Variants in PSD3 observed in about 807,000 individuals in gnomAD.
The protein encoded by PSD3 is pleckstrin and Sec7 domain containing 3.
Under a neutral mutation model 105.5 loss-of-function variants are expected in PSD3, and 49 were observed. The ratio of observed to expected loss-of-function variants is 0.46; its 90% CI spans 0.37 to 0.59. The LOEUF is 0.59. Among genes scored for constraint, PSD3 ranks in the 20% least tolerant of loss-of-function variants. The pLI, the probability that PSD3 is intolerant of heterozygous loss-of-function variation, is 0.00. For missense variants in PSD3, 1,561 were observed against 1,263.8 expected (o/e 1.24, Z -3.57); for synonymous variants, 557 against 457.8 (o/e 1.22, Z -2.77).
intron 1 of PSD3, among the ~76,000 whole-genome samples, chr8:19,057,930 C>A (rs1048356884): frequency 2.6e-5 from 4 of 152,152 alleles, no homozygotes; most frequent in African/African-American, 9.7e-5. Flanking sequence ...CCAGCTATCC[C>A]ACTCCTATTT....
intron 1 of PSD3, among the ~76,000 whole-genome samples, chr8:19,025,132 C>T (rs1194075448): frequency 2.0e-5 from 3 of 152,104 alleles, no homozygotes; most frequent in Non-Finnish European, 4.4e-5. Flanking sequence ...TAAGACCAAC[C>T]AGACTCAACA....
At chr8:18,605,588 T>C (rs1318044107) in intron 11 of PSD3, among the ~76,000 whole-genome samples, 1 of 152,128 alleles carries the variant, frequency 6.6e-6, no homozygotes, top group Non-Finnish European at 1.5e-5. Flanking sequence ...AAGGCATGAT[T>C]GTATTTTGCC....
intron 14 of PSD3, among the ~76,000 whole-genome samples, chr8:18,565,180 T>C (rs1015426492): frequency 5.9e-5 from 9 of 152,082 alleles, no homozygotes; most frequent in African/African-American, 1.9e-4. Flanking sequence ...GAAATGTGCA[T>C]TTTCTGCAAG....
intron 2 of PSD3, among the ~76,000 whole-genome samples, chr8:18,913,600 C>T (rs1820387775): frequency 6.6e-6 from 1 of 151,954 alleles, no homozygotes; most frequent in African/African-American, 2.4e-5. Context: ...TGGGGCCACA[C>T]AAGCTGCCAC....
At chr8:18,545,441 T>C (rs1800399622) in intron 15 of PSD3, among the ~76,000 whole-genome samples, 2 of 152,074 alleles carry the variant, frequency 1.3e-5, no homozygotes, top group Non-Finnish European at 2.9e-5. Flanking sequence ...CCTGATTTGA[T>C]TAATGGGATT....
In PSD3 at chr8:18,863,838, G is replaced by C. The variant is rs551765823; in HGVS notation, c.1634+3836C>G. Reference sequence around the variant, plus strand: ...TTTTCTTCTTTGACTTGAGTAGAGAGAGTAACAGGGAAGAACAGTGTCCCT... The same window carrying C: ...TTTTCTTCTTTGACTTGAGTAGAGACAGTAACAGGGAAGAACAGTGTCCCT... On this transcript the variant is annotated intron_variant, in intron 4 of 15. Transcript: ENST00000327040. 5.3e-5 allele frequency among the ~76,000 whole-genome samples: 8 copies of C among 152,254 alleles called. No individual in the cohort carries two copies. The South Asian group carries it at 1.5e-3, about 28-fold the overall frequency.
intron 14 of PSD3, among the ~76,000 whole-genome samples, chr8:18,570,894 C>G (rs1001500027): frequency 1.4e-5 from 2 of 142,256 alleles, no homozygotes; most frequent in Non-Finnish European, 3.1e-5. Context: ...GAGTTTTGCT[C>G]TGTCGCCCAG....
intron 11 of PSD3, among the ~76,000 whole-genome samples, chr8:18,632,252 C>T (rs1251523943): frequency 6.6e-6 from 1 of 152,078 alleles, no homozygotes; most frequent in Non-Finnish European, 1.5e-5. Flanking sequence ...CCCTCAACCA[C>T]CAGAAATGTA....
chr8:18,623,664 G>T (rs1806286693), intron 11 of PSD3, among the ~76,000 whole-genome samples: 3 of 146,088 alleles, frequency 2.1e-5, no homozygotes, highest in Middle Eastern at 3.5e-3. Context: ...AAAAAAAATT[G>T]TAAAACATAT....
At chr8:18,799,895 C>T (rs1208500289) in intron 7 of PSD3, among the ~76,000 whole-genome samples, 2 of 152,144 alleles carry the variant, frequency 1.3e-5, no homozygotes, top group African/African-American at 4.8e-5. Context: ...GTTTCAGATG[C>T]AGTAAAAATC....
At chr8:19,002,946 T>C (rs1429190105) in intron 1 of PSD3, among the ~76,000 whole-genome samples, 2 of 152,016 alleles carry the variant, frequency 1.3e-5, no homozygotes, top group Non-Finnish European at 2.9e-5. Context: ...AGAAGGGCAA[T>C]AATAATTCCA....
At chr8:18,683,756 A>T (rs767241832) in intron 9 of PSD3, 2 of 763,974 alleles carry the variant, frequency 2.6e-6, no homozygotes, top group Non-Finnish European at 4.8e-6. Flanking sequence ...AATAAGGTTC[A>T]ATGTGGTATT....
At chr8:18,705,320 T>C (rs1049233814) in intron 9 of PSD3, among the ~76,000 whole-genome samples, 1 of 151,938 alleles carries the variant, frequency 6.6e-6, no homozygotes, top group Admixed American at 6.6e-5. Context: ...TCAAGCTCAG[T>C]AGTTCGAGAT....
chr8:18,644,683 T>G (rs961622084), intron 10 of PSD3, among the ~76,000 whole-genome samples: 1 of 152,162 alleles, frequency 6.6e-6, no homozygotes, highest in Non-Finnish European at 1.5e-5. Context: ...TCTAGGCTTT[T>G]TCTAGCATTC....
At chr8:18,994,137 G>C (rs971744091) in intron 1 of PSD3, among the ~76,000 whole-genome samples, 1 of 151,942 alleles carries the variant, frequency 6.6e-6, no homozygotes, top group African/African-American at 2.4e-5. Context: ...TAAAATGTGA[G>C]TCATGACAGG....
At chr8:18,704,510 G>C (rs1801776625) in intron 9 of PSD3, among the ~76,000 whole-genome samples, 1 of 152,118 alleles carries the variant, frequency 6.6e-6, no homozygotes. Context: ...GCTAATTTTT[G>C]TATTTTTAGT....
intron 1 of PSD3, among the ~76,000 whole-genome samples, chr8:19,034,261 A>C (rs1827872589): frequency 6.6e-6 from 1 of 152,138 alleles, no homozygotes; most frequent in African/African-American, 2.4e-5. Flanking sequence ...TACAGCCTAG[A>C]TCCCCCAGGT....
At chr8:18,780,336 T>C (rs552551324) in intron 8 of PSD3, among the ~76,000 whole-genome samples, 90 of 84,878 alleles carry the variant, frequency 1.1e-3, no homozygotes, top group Non-Finnish European at 1.7e-3. Context: ...ATAGGCAGTA[T>C]ATAGTTAAGT....
chr8:18,606,754 C>T (rs573712087), intron 11 of PSD3, among the ~76,000 whole-genome samples: 14 of 151,878 alleles, frequency 9.2e-5, no homozygotes, highest in African/African-American at 1.7e-4. Context: ...TAGAGGCATA[C>T]GATACATTAA....
Sources: gnomAD v4.1 joint callset for allele counts (sites outside exome capture counted in the v4.1 genomes callset) on GRCh38, gnomAD v4.1.1 for gene constraint, MANE v1.5 for transcripts, NCBI Gene and HGNC (gene_info 2026-07-23, HGNC 2026-07-21) for gene names.